The following SPATS2L variants were observed in gnomAD, a reference collection of about 807,000 sequenced individuals.
SPATS2L encodes the protein spermatogenesis associated serine rich 2 like, also known as SPATS2-like protein.
A neutral mutation model predicts 59.6 loss-of-function variants in SPATS2L; 30 were observed. That is an observed-to-expected ratio of 0.50 (90% CI 0.38 to 0.68). The LOEUF is 0.68. SPATS2L is among the 30% of genes least tolerant of loss of function. The pLI is 0.00. For missense variants in SPATS2L, 615 were observed against 700.0 expected, an observed-to-expected ratio of 0.88 and a Z score of 1.37; for synonymous variants, 252 against 263.5, an observed-to-expected ratio of 0.96 and a Z score of 0.42.
rs969789865 is a variant in SPATS2L, at chr2:200,306,779, A to C, written c.-216A>C. On this transcript the variant is annotated 5_prime_UTR_variant, in exon 1 of 13. Coordinates refer to ENST00000409140, the MANE Select transcript of SPATS2L (RefSeq NM_001100423.2). ...GCCGGCAGCGCGGGGCGAGCTCCGG[A>C]CGGCGCGCGGCCCAGGCAGCGGCTC... is the stretch of plus-strand genomic sequence containing the variant. 57 of 981,566 alleles carry C rather than the reference A, an allele frequency of 5.8e-5. No homozygotes were observed. The highest frequency in any genetic ancestry group is 1.2e-4 in the East Asian group (1 of 8,654). 60.8% of individuals were successfully genotyped at this position (981,566 alleles called of 1,614,324 possible). A position where few individuals can be genotyped will look rare whatever the true frequency, so the allele number is the denominator to read the frequency against.
chr2:200,377,958 T>G (rs2081656853), intron 2 of SPATS2L: 1 of 152,178 alleles, frequency 6.6e-6, no homozygotes, highest in African/African-American at 2.4e-5. Flanking sequence ...AGCCTATACC[T>G]TCTCAGCCTC....
At chr2:200,425,349 G>C (rs2106032317) in intron 6 of SPATS2L, among the ~76,000 whole-genome samples, 1 of 152,244 alleles carries the variant, frequency 6.6e-6, no homozygotes, top group Admixed American at 6.5e-5. Context: ...AAAGCAGCCA[G>C]CTTAGAACTT....
At chr2:200,324,423 A>C (rs538501457) in intron 1 of SPATS2L, among the ~76,000 whole-genome samples, 2 of 152,164 alleles carry the variant, frequency 1.3e-5, no homozygotes, top group Admixed American at 6.5e-5. Context: ...CCTGCTTGCT[A>C]TTCTCATTTG....
intron 11 of SPATS2L, among the ~76,000 whole-genome samples, chr2:200,470,712 A>G (rs80193098): frequency 0.013 from 1,995 of 152,336 alleles, 35 homozygotes; most frequent in African/African-American, 0.044. Flanking sequence ...TGAAAAATTA[A>G]GATTTGGCTG....
intron 4 of SPATS2L, among the ~76,000 whole-genome samples, chr2:200,414,714 A>T (rs577886568): frequency 7.2e-5 from 11 of 152,224 alleles, no homozygotes; most frequent in Non-Finnish European, 1.3e-4. Flanking sequence ...TATGAGGCAT[A>T]CAGAAAGCGC....
At chr2:200,325,386 A>T (rs960265980) in intron 1 of SPATS2L, among the ~76,000 whole-genome samples, 1 of 151,746 alleles carries the variant, frequency 6.6e-6, no homozygotes, top group Non-Finnish European at 1.5e-5. Context: ...CTTTTTATTT[A>T]TTTATTTTTT....
intron 4 of SPATS2L, 65 bp from the exon 5 acceptor site, chr2:200,416,312 CAG>C (rs1553526023): frequency 4.3e-6 from 3 of 695,742 alleles, no homozygotes; most frequent in Non-Finnish European, 6.3e-6. Context: ...GATGGAAAGA[CAG>C]AGATGAATTT....
chr2:200,437,901 T>A (rs2084411293), intron 6 of SPATS2L, among the ~76,000 whole-genome samples: 1 of 152,212 alleles, frequency 6.6e-6, no homozygotes, highest in Non-Finnish European at 1.5e-5. Context: ...TATTTTTTTC[T>A]ATGAAATTGT....
At position 200,315,654 on chromosome 2, in the gene SPATS2L, G is replaced by A. The variant is rs145949027; in HGVS notation, c.-73+8732G>A. On this transcript the variant is annotated intron_variant, in intron 1 of 12. Transcript: ENST00000409140. ...GTCATAATGTGTCAAACAAAATGAT[G>A]TGACCCACACTGATAAGGGCTCTAC... Among the ~76,000 whole-genome samples, 5 of 152,230 alleles carry A rather than the reference G, an allele frequency of 3.3e-5. No homozygotes were observed. The East Asian group carries it at 9.6e-4, about 29-fold the overall frequency.
intron 8 of SPATS2L, among the ~76,000 whole-genome samples, chr2:200,443,948 C>G (rs1174196101): frequency 5.3e-5 from 8 of 152,176 alleles, no homozygotes; most frequent in Non-Finnish European, 1.2e-4. Flanking sequence ...TCAAAGTTGG[C>G]ATTTAAGCAG....
intron 12 of SPATS2L, among the ~76,000 whole-genome samples, chr2:200,476,266 T>C (rs3820879): frequency 0.069 from 10,478 of 152,242 alleles, 566 homozygotes; most frequent in East Asian, 0.29. Context: ...AGAAAAACAA[T>C]GAATTACCTC....
chr2:200,333,737 G>A (rs868718567), intron 2 of SPATS2L, among the ~76,000 whole-genome samples: 2 of 152,070 alleles, frequency 1.3e-5, no homozygotes, highest in Middle Eastern at 3.4e-3. Context: ...CCACCTATGA[G>A]TGAGAACATG....
At chr2:200,334,013 C>G (rs2080051598) in intron 2 of SPATS2L, among the ~76,000 whole-genome samples, 1 of 152,176 alleles carries the variant, frequency 6.6e-6, no homozygotes, top group Non-Finnish European at 1.5e-5. Context: ...TTTGGGTATA[C>G]ACCCAGTGAT....
At chr2:200,358,367 A>G (rs761283838) in intron 2 of SPATS2L, among the ~76,000 whole-genome samples, 6 of 152,180 alleles carry the variant, frequency 3.9e-5, no homozygotes, top group Non-Finnish European at 7.3e-5. Flanking sequence ...CAGCATTTTC[A>G]TGACCTACAC....
At chr2:200,368,394 C>G (rs997763195) in intron 2 of SPATS2L, among the ~76,000 whole-genome samples, 1 of 152,146 alleles carries the variant, frequency 6.6e-6, no homozygotes, top group African/African-American at 2.4e-5. Flanking sequence ...TAAGCTCTTT[C>G]GGCATCTGCT....
intron 3 of SPATS2L, chr2:200,393,287 C>A (rs561109450): frequency 2.2e-6 from 1 of 456,744 alleles, no homozygotes; most frequent in Non-Finnish European, 4.4e-6. Context: ...GGCAGAGCAG[C>A]CGACATTAGA....
In SPATS2L at chr2:200,453,039, C is replaced by T. The variant is rs955329014; in HGVS notation, c.789-6730C>T. ...ATAAACAACAACAAATAGCCAAGGACTGGGTAATGTGCTCAGGGTTAAATA... is the reference window on the plus strand; with the variant it reads ...ATAAACAACAACAAATAGCCAAGGATTGGGTAATGTGCTCAGGGTTAAATA... On this transcript the variant is annotated intron_variant, in intron 8 of 12. Coordinates refer to ENST00000409140, the MANE Select transcript of SPATS2L (RefSeq NM_001100423.2). Among the ~76,000 whole-genome samples the T allele has an allele frequency of 2.3e-4, 35 of 152,182 alleles. 1 individual carries two copies. Among genetic ancestry groups the T allele is most frequent in the African/African-American group, 8.2e-4 (34 of 41,484 alleles).
intron 2 of SPATS2L, among the ~76,000 whole-genome samples, chr2:200,355,139 C>T (rs993891072): frequency 8.5e-5 from 13 of 152,158 alleles, no homozygotes; most frequent in African/African-American, 2.9e-4. Flanking sequence ...GCCCTTCACC[C>T]GCCTGCTGTC....
chr2:200,464,980 T>A (rs948904955), intron 9 of SPATS2L, among the ~76,000 whole-genome samples: 3 of 152,208 alleles, frequency 2.0e-5, no homozygotes, highest in Non-Finnish European at 4.4e-5. Context: ...TCCATCCTTC[T>A]TTAGATATTC....
Sources: allele counts gnomAD v4.1 joint callset (sites outside exome capture counted in the v4.1 genomes callset), GRCh38; gene constraint gnomAD v4.1.1; transcripts MANE v1.5; gene names NCBI Gene and HGNC (gene_info 2026-07-23, HGNC 2026-07-21).